Variants in ZCRB1 observed in about 807,000 individuals in gnomAD.
ZCRB1 encodes zinc finger CCHC-type and RNA-binding motif-containing protein 1.
Under a neutral mutation model 29.9 loss-of-function variants are expected in ZCRB1, and 21 were observed. The ratio of observed to expected loss-of-function variants is 0.70; its 90% confidence interval spans 0.50 to 1.01. ZCRB1 has a LOEUF of 1.01. ZCRB1 is among the 50% of genes least tolerant of loss of function. ZCRB1 has a pLI of 0.00. For synonymous variants in ZCRB1, 77 were observed against 80.0 expected (o/e 0.96, Z 0.20); for missense variants, 204 against 253.3 (o/e 0.81, Z 1.32).
intron 3 of ZCRB1, 129 bp from the exon 4 acceptor site, chr12:42,318,027 T>A: frequency 1.4e-6 from 1 of 698,206 alleles, no homozygotes; most frequent in South Asian, 2.0e-5. Flanking sequence ...AAATCAGCTA[T>A]CTCTTCAAAG....
intron 2 of ZCRB1, chr12:42,323,791 T>C (rs1412796711): frequency 1.9e-6 from 1 of 535,768 alleles, no homozygotes. Context: ...CACACACCTG[T>C]ATTCCCAGCT....
At chr12:42,317,984 T>A in intron 3 of ZCRB1, 86 bp from the exon 4 acceptor site, 2 of 985,832 alleles carry the variant, frequency 2.0e-6, no homozygotes, top group Non-Finnish European at 1.5e-6. Flanking sequence ...TAAAAAGGGC[T>A]AAAAATTTAT....
intron 7 of ZCRB1, 133 bp from the exon 8 acceptor site, chr12:42,313,331 T>C (rs2068578526): frequency 1.1e-6 from 1 of 926,340 alleles, no homozygotes; most frequent in Non-Finnish European, 1.5e-6. Context: ...GACAATAAGA[T>C]CTGCTCCCTT....
intron 3 of ZCRB1, among the ~76,000 whole-genome samples, chr12:42,321,496 G>A (rs1331919894): frequency 6.6e-6 from 1 of 152,158 alleles, no homozygotes; most frequent in Non-Finnish European, 1.5e-5. Flanking sequence ...ATATATATGT[G>A]CTCATTTAAG....
chr12:42,314,299 C>T (rs751650786), intron 5 of ZCRB1, among the ~76,000 whole-genome samples: 8 of 148,510 alleles, frequency 5.4e-5, no homozygotes, highest in Non-Finnish European at 8.9e-5. Context: ...GTGGCTCACG[C>T]CTGTAATCCT....
chr12:42,320,281 G>T (rs1409631945), intron 3 of ZCRB1, among the ~76,000 whole-genome samples: 1 of 152,036 alleles, frequency 6.6e-6, no homozygotes, highest in Non-Finnish European at 1.5e-5. Context: ...TACCCACTTT[G>T]CTTCCTATAC....
rs187792635 is a variant in ZCRB1, at chr12:42,322,920, C to G, written c.85-474G>C. The stretch of plus-strand genomic sequence containing the variant: ...TCCTTAGACTGCTTTATTTAAAAAA[C>G]AAAACAAAACCTCATAAAATAAGCT... On this transcript the variant is annotated intron_variant, in intron 2 of 7. Transcript: ENST00000266529. 2.6e-3 allele frequency among the ~76,000 whole-genome samples: 402 copies of G among 152,282 alleles called. 2 individuals are homozygous for G. The highest frequency in any genetic ancestry group is 9.2e-3 in the African/African-American group (383 of 41,562).
chr12:42,313,114 T>C lies in ZCRB1; in HGVS notation c.607A>G (p.Ile203Val). The C allele has an allele frequency of 6.2e-7, 1 of 1,612,482 alleles. No individual in the cohort carries two copies. Residue 203 changes from isoleucine (I) to valine (V), a missense_variant, in exon 8 of 8, where the codon ATA becomes GTA. By Grantham distance (29) the Ile-to-Val change is conservative. Coordinates refer to ENST00000266529, the MANE Select transcript of ZCRB1 (RefSeq NM_033114.4). ...TCACTGAAATATGTGCTTTTCTTTA[T>C]CCTTGGGCGTCTTGAATCATCTGAT... The part of the protein sequence containing the change: ...STSDDSRRPR[I>V]KKSTYFSDEE...
chr12:42,322,324 T>A, intron 3 of ZCRB1, 94 bp downstream of exon 3: 1 of 1,173,256 alleles, frequency 8.5e-7, no homozygotes, highest in Non-Finnish European at 1.2e-6. Flanking sequence ...ATATCAAGCA[T>A]GTTTTATTTT....
chr12:42,318,655 T>C lies in ZCRB1; in HGVS notation c.114-757A>G, dbSNP rs555588754. 2.6e-5 allele frequency among the ~76,000 whole-genome samples: 4 copies of C among 152,208 alleles called. No homozygotes were observed. The South Asian group carries it at 8.3e-4, about 32-fold the overall frequency. On this transcript the variant is annotated intron_variant, in intron 3 of 7. Coordinates refer to ENST00000266529, the MANE Select transcript of ZCRB1 (RefSeq NM_033114.4). ...TAAAAACAATGTTCAACAGGGCTCT[T>C]TGGAGAAATAGCGGATTCCAAGGCT...
At position 42,312,468 on chromosome 12, in the gene ZCRB1, T is replaced by C. The variant is rs2068574263; in HGVS notation, c.*599A>G. ...ATTTTTAATACAGCCACATTGGGAATATTGAGGAAGGTAGGAGAAGTATAA... is the reference window on the plus strand; with the variant it reads ...ATTTTTAATACAGCCACATTGGGAACATTGAGGAAGGTAGGAGAAGTATAA... On this transcript the variant is annotated 3_prime_UTR_variant, in exon 8 of 8. Coordinates refer to ENST00000266529, the MANE Select transcript of ZCRB1 (RefSeq NM_033114.4). 6.6e-6 allele frequency: 1 copy of C among 152,166 alleles called. No homozygotes were observed. The highest frequency in any genetic ancestry group is 2.1e-4 in the South Asian group (1 of 4,836). The allele number at this position is 152,166 out of a possible 1,614,324, so 9.4% of individuals were successfully genotyped here.
rs771900131 is a variant in ZCRB1, at chr12:42,324,033, T to C, written c.70A>G (p.Asn24Asp). The change falls in exon 2 of 8, where the codon AAT becomes GAT. Residue 24 changes from asparagine to aspartate, a missense_variant. Asn to Asp is a conservative substitution (Grantham distance 23). Transcript: ENST00000266529. ...GATTTACTTACCCGGTACAAGTCAT[T>C]GTTTGTCAGGGAAAAAGGCAAGTTG... ...VSNLPFSLTNNDLYRIFSKYG... is the reference protein window; with the variant it reads ...VSNLPFSLTNDDLYRIFSKYG... The C allele has an allele frequency of 1.2e-6, 2 of 1,613,902 alleles. No individual in the cohort carries two copies.
intron 5 of ZCRB1, among the ~76,000 whole-genome samples, chr12:42,315,058 C>G (rs1002245036): frequency 5.3e-5 from 8 of 152,192 alleles, no homozygotes; most frequent in African/African-American, 1.9e-4. Flanking sequence ...CTTGCACTAT[C>G]CAATTACAGT....
chr12:42,321,932 G>A (rs1014088440), intron 3 of ZCRB1, among the ~76,000 whole-genome samples: 2 of 151,786 alleles, frequency 1.3e-5, no homozygotes, highest in Admixed American at 1.3e-4. Context: ...TCTTTCCAAC[G>A]ATCTCCAAGC....
At chr12:42,316,342 C>T (rs901305165) in intron 5 of ZCRB1, among the ~76,000 whole-genome samples, 4 of 152,042 alleles carry the variant, frequency 2.6e-5, no homozygotes, top group Admixed American at 6.6e-5. Flanking sequence ...TCAAGTGATC[C>T]GTCCACCTCA....
rs564067008 is a variant in ZCRB1, at chr12:42,324,997, T to C, written c.-2-893A>G. On this transcript the variant is annotated intron_variant, in intron 1 of 7. Transcript: ENST00000266529. The stretch of plus-strand genomic sequence containing the variant: ...ATTTCACAGTGCAGACATCACAGGG[T>C]GTACTGAGACAAACCTAGATGGTCT... 3.3e-5 allele frequency among the ~76,000 whole-genome samples: 5 copies of C among 152,324 alleles called. No individual in the cohort carries two copies. In the East Asian group the frequency reaches 9.6e-4, roughly 29 times the overall value.
At chr12:42,313,569 C>G (rs935274769) in intron 7 of ZCRB1, 121 bp downstream of exon 7, 5 of 1,065,588 alleles carry the variant, frequency 4.7e-6, no homozygotes, top group Non-Finnish European at 6.8e-6. Context: ...CAGCTTGTCT[C>G]CTAAGGCTTA....
At chr12:42,323,336 G>A (rs77444917) in intron 2 of ZCRB1, among the ~76,000 whole-genome samples, 7 of 152,216 alleles carry the variant, frequency 4.6e-5, no homozygotes, top group African/African-American at 1.4e-4. Flanking sequence ...TAAATAGGTC[G>A]TATAAGGCAC....
intron 4 of ZCRB1, 58 bp from the exon 5 acceptor site, chr12:42,317,505 A>AT: frequency 1.5e-6 from 2 of 1,343,786 alleles, no homozygotes; most frequent in Non-Finnish European, 2.0e-6. Flanking sequence ...AAAATTAATT[A>AT]TTTAATCAAT....
Sources: gnomAD v4.1 joint callset for allele counts (sites outside exome capture counted in the v4.1 genomes callset) on GRCh38, gnomAD v4.1.1 for gene constraint, MANE v1.5 for transcripts, NCBI Gene and HGNC (gene_info 2026-07-23, HGNC 2026-07-21) for gene names.